GALNT13: variants seen among roughly 807,000 people sequenced by gnomAD.
GALNT13 encodes polypeptide N-acetylgalactosaminyltransferase 13, also known as UDP-GalNAc:polypeptide N-acetylgalactosaminyltransferase 13.
In GALNT13, 28 loss-of-function variants were observed where a neutral mutation model predicts 64.2. The observed-to-expected ratio is 0.44, with a 90% CI of 0.32 to 0.60. The LOEUF (loss-of-function observed/expected upper bound fraction) is 0.60. GALNT13 is among the 20% of genes least tolerant of loss of function. GALNT13 has a pLI of 0.05. For synonymous variants in GALNT13, 214 were observed against 224.6 expected (o/e 0.95, Z 0.42); for missense variants, 577 against 669.8 (o/e 0.86, Z 1.53).
chr2:153,355,810 C>CA, the GALNT13 span, among the ~76,000 whole-genome samples: 2 of 152,082 alleles, frequency 1.3e-5, no homozygotes, highest in Non-Finnish European at 2.9e-5. Context: ...CCAGAGTTTT[C>CA]AAAAGACTGT....
intron 3 of GALNT13, among the ~76,000 whole-genome samples, chr2:154,081,595 G>A (rs746070075): frequency 4.0e-5 from 6 of 151,640 alleles, no homozygotes; most frequent in South Asian, 2.1e-4. Flanking sequence ...TACTGTGAAC[G>A]TGCCCTGAAA....
intron 4 of GALNT13, among the ~76,000 whole-genome samples, chr2:154,204,126 T>C (rs995303463): frequency 2.6e-5 from 4 of 152,158 alleles, no homozygotes; most frequent in African/African-American, 9.6e-5. Context: ...ATTGCCATCC[T>C]TTCTCTGACA....
chr2:153,873,548 C>T (rs958120018), intron 1 of GALNT13, among the ~76,000 whole-genome samples: 1 of 152,170 alleles, frequency 6.6e-6, no homozygotes, highest in Non-Finnish European at 1.5e-5. Flanking sequence ...AGGGTGGGAG[C>T]TTTCTTCAGG....
chr2:154,381,239 C>G (rs1268377751), intron 9 of GALNT13, among the ~76,000 whole-genome samples: 1 of 151,872 alleles, frequency 6.6e-6, no homozygotes, highest in Admixed American at 6.6e-5. Flanking sequence ...AAATAAAAAC[C>G]ACTTTTTATC....
chr2:153,345,715 T>TTCTG, the GALNT13 span, among the ~76,000 whole-genome samples: 1 of 101,106 alleles, frequency 9.9e-6, no homozygotes, highest in Non-Finnish European at 2.1e-5. Context: ...CTTTCTCTCT[T>TTCTG]TCTGTCCTTC....
At chr2:154,129,224 C>A (rs1160663340) in intron 3 of GALNT13, among the ~76,000 whole-genome samples, 2 of 152,262 alleles carry the variant, frequency 1.3e-5, no homozygotes, top group African/African-American at 4.8e-5. Flanking sequence ...CACCAGAGTA[C>A]ACGCATAGAT....
chr2:153,290,023 C>G, the GALNT13 span, among the ~76,000 whole-genome samples: 1 of 152,068 alleles, frequency 6.6e-6, no homozygotes, highest in South Asian at 2.1e-4. Flanking sequence ...TCAGTTTTCA[C>G]CTCTGAAAAA....
At chr2:153,530,153 G>A in the GALNT13 span, among the ~76,000 whole-genome samples, 1 of 151,798 alleles carries the variant, frequency 6.6e-6, no homozygotes, top group Non-Finnish European at 1.5e-5. Context: ...TAAACCTAAA[G>A]ACTCCACCAA....
the GALNT13 span, among the ~76,000 whole-genome samples, chr2:153,555,343 C>G: frequency 1.7e-4 from 23 of 135,712 alleles, 2 homozygotes; most frequent in Non-Finnish European, 2.7e-4. Context: ...TACAGGCGCC[C>G]GCTACCACGC....
At chr2:154,244,499 C>T (rs1485912761) in intron 6 of GALNT13, among the ~76,000 whole-genome samples, 1 of 152,052 alleles carries the variant, frequency 6.6e-6, no homozygotes, top group East Asian at 1.9e-4. Flanking sequence ...ACTGGTGTTA[C>T]AAAACAAGTA....
the GALNT13 span, among the ~76,000 whole-genome samples, chr2:153,643,117 T>G: frequency 6.6e-6 from 1 of 151,192 alleles, no homozygotes; most frequent in Non-Finnish European, 1.5e-5. Context: ...TTGAAAAATA[T>G]AAGTAAATGC....
chr2:154,445,661 G>A (rs1701531483), intron 12 of GALNT13: 2 of 294,230 alleles, frequency 6.8e-6, no homozygotes, highest in Admixed American at 4.5e-5. Flanking sequence ...TACAAATTAT[G>A]TACTATTTTA....
At chr2:154,018,090 C>G (rs1697128419) in intron 3 of GALNT13, among the ~76,000 whole-genome samples, 1 of 152,116 alleles carries the variant, frequency 6.6e-6, no homozygotes, top group South Asian at 2.1e-4. Context: ...ATTCCTAGCT[C>G]TTTTTATATT....
chr2:154,159,981 C>T (rs571600788), intron 4 of GALNT13, among the ~76,000 whole-genome samples: 16 of 152,260 alleles, frequency 1.1e-4, no homozygotes, highest in African/African-American at 3.9e-4. Flanking sequence ...GCATTATTCC[C>T]ATTTTATAAT....
At chr2:154,058,360 A>T (rs1024932386) in intron 3 of GALNT13, among the ~76,000 whole-genome samples, 16 of 152,358 alleles carry the variant, frequency 1.1e-4, no homozygotes, top group African/African-American at 3.4e-4. Context: ...ACCTGAGCTG[A>T]TTAAAACAGC....
chr2:154,174,559 C>A (rs1685544485), intron 4 of GALNT13, among the ~76,000 whole-genome samples: 2 of 152,104 alleles, frequency 1.3e-5, no homozygotes, highest in Admixed American at 1.3e-4. Flanking sequence ...TTAACTTGTA[C>A]TTGTCTAAAA....
chr2:153,345,017 A>T, the GALNT13 span, among the ~76,000 whole-genome samples: 1 of 152,260 alleles, frequency 6.6e-6, no homozygotes, highest in Non-Finnish European at 1.5e-5. Context: ...AAATCAATAC[A>T]TCTGAAAGCA....
At chr2:153,863,766 T>C in the GALNT13 span, among the ~76,000 whole-genome samples, 1 of 152,164 alleles carries the variant, frequency 6.6e-6, no homozygotes, top group African/African-American at 2.4e-5. Context: ...AACTATGTAC[T>C]ATGTGCCAGA....
chr2:153,632,446 A>T, the GALNT13 span, among the ~76,000 whole-genome samples: 17 of 152,228 alleles, frequency 1.1e-4, no homozygotes, highest in East Asian at 3.1e-3. Context: ...AATGTCATGT[A>T]TTCATCCATC....
Sources: gnomAD v4.1 joint callset for allele counts (sites outside exome capture counted in the v4.1 genomes callset) on GRCh38, gnomAD v4.1.1 for gene constraint, MANE v1.5 for transcripts, NCBI Gene and HGNC (gene_info 2026-07-23, HGNC 2026-07-21) for gene names.